The following TMEM150C variants were observed in gnomAD, a reference collection of about 807,000 sequenced individuals.
The protein encoded by TMEM150C is transmembrane protein 150C.
Under a neutral mutation model 29.9 loss-of-function variants are expected in TMEM150C, and 10 were observed. That is an observed-to-expected ratio of 0.33 (90% CI 0.21 to 0.57). The LOEUF (loss-of-function observed/expected upper bound fraction) is 0.57. TMEM150C is among the 20% of genes least tolerant of loss of function. TMEM150C has a pLI of 0.88. For missense variants in TMEM150C, 251 were observed against 303.6 expected, an observed-to-expected ratio of 0.83 and a Z score of 1.29; for synonymous variants, 101 against 112.5, an observed-to-expected ratio of 0.90 and a Z score of 0.64.
chr4:82,560,973 C>G (rs2110097386), intron 1 of TMEM150C, among the ~76,000 whole-genome samples: 1 of 152,318 alleles, frequency 6.6e-6, no homozygotes. Flanking sequence ...GAGCTATGTT[C>G]CCACATGCGG....
chr4:82,492,943 G>A (rs993996788), intron 6 of TMEM150C, among the ~76,000 whole-genome samples: 6 of 141,842 alleles, frequency 4.2e-5, no homozygotes, highest in African/African-American at 1.0e-4. Context: ...GCTAGAGTAC[G>A]GTGGTATGAT....
chr4:82,541,478 TATA>T (rs1402518726), intron 1 of TMEM150C, among the ~76,000 whole-genome samples: 1 of 152,190 alleles, frequency 6.6e-6, no homozygotes, highest in Non-Finnish European at 1.5e-5. Flanking sequence ...GGATGTTGAT[TATA>T]ATGATGGATG....
In TMEM150C at chr4:82,559,831, A is replaced by G. The variant is rs560899117; in HGVS notation, c.-11+2075T>C. 7.0e-4 allele frequency among the ~76,000 whole-genome samples: 107 copies of G among 152,288 alleles called. 1 individual carries two copies. Among genetic ancestry groups the G allele is most frequent in the African/African-American group, 2.5e-3 (105 of 41,556 alleles). On this transcript the variant is annotated intron_variant, in intron 1 of 7. Coordinates refer to ENST00000449862, the MANE Select transcript of TMEM150C (RefSeq NM_001080506.3). Reference sequence around the variant, plus strand: ...TTAATTGGTTACTGAACTGATCCCAAATGGCCAGATTGCAGTGAAACCAAA... The same window carrying G: ...TTAATTGGTTACTGAACTGATCCCAGATGGCCAGATTGCAGTGAAACCAAA...
chr4:82,500,974 C>G (rs1436795374), intron 5 of TMEM150C, among the ~76,000 whole-genome samples: 1 of 152,166 alleles, frequency 6.6e-6, no homozygotes, highest in African/African-American at 2.4e-5. Context: ...GTTGTTGCCC[C>G]CTGTGGGAAG....
chr4:82,547,772 A>C (rs2110090930), intron 1 of TMEM150C, among the ~76,000 whole-genome samples: 1 of 152,338 alleles, frequency 6.6e-6, no homozygotes, highest in South Asian at 2.1e-4. Context: ...AAATTAGTCC[A>C]GTCACAGTGG....
intron 1 of TMEM150C, among the ~76,000 whole-genome samples, chr4:82,547,671 C>A (rs1025455976): frequency 3.9e-5 from 6 of 152,096 alleles, no homozygotes; most frequent in Non-Finnish European, 8.8e-5. Context: ...TCCCACCAGT[C>A]AGAATGGCTA....
At chr4:82,540,918 T>A (rs367981310) in intron 1 of TMEM150C, among the ~76,000 whole-genome samples, 16 of 152,328 alleles carry the variant, frequency 1.1e-4, no homozygotes, top group African/African-American at 3.8e-4. Context: ...GTACAATAGA[T>A]CTTGTGAACT....
chr4:82,550,815 G>GAA (rs985071631), intron 1 of TMEM150C, among the ~76,000 whole-genome samples: 7 of 152,024 alleles, frequency 4.6e-5, no homozygotes, highest in African/African-American at 1.7e-4. Context: ...AAGAAAGAAA[G>GAA]AAAGGAAGAG....
intron 5 of TMEM150C, among the ~76,000 whole-genome samples, chr4:82,500,410 A>C (rs1723700591): frequency 6.6e-6 from 1 of 152,160 alleles, no homozygotes. Context: ...ATTCTTTTTC[A>C]CTCTCAGAGT....
chr4:82,552,556 T>A (rs1402595904), intron 1 of TMEM150C, among the ~76,000 whole-genome samples: 1 of 152,164 alleles, frequency 6.6e-6, no homozygotes, highest in African/African-American at 2.4e-5. Flanking sequence ...GATGACCTGG[T>A]GGAATTCTGA....
chr4:82,495,697 CCACCAA>C (rs1723533432), intron 6 of TMEM150C: 1 of 290,922 alleles, frequency 3.4e-6, no homozygotes, highest in Non-Finnish European at 6.8e-6. Flanking sequence ...CTTGTTGTTC[CCACCAA>C]CAAACAAGAA....
rs146568741 is a variant in TMEM150C, at chr4:82,485,105, C to T, written c.*406G>A. On this transcript the variant is annotated 3_prime_UTR_variant, in exon 8 of 8. Coordinates refer to ENST00000449862, the MANE Select transcript of TMEM150C (RefSeq NM_001080506.3). The stretch of plus-strand genomic sequence containing the variant: ...TAGTGCCAGATTCAGAACTTCCTCA[C>T]GAGCTGGTTCCAAGCCCTTTGGACC... 2,428 of 180,932 alleles carry T rather than the reference C, an allele frequency of 0.013. 19 individuals are homozygous for T. Among genetic ancestry groups the T allele is most frequent in the Middle Eastern group, 0.042 (16 of 380 alleles). 11.2% of individuals were successfully genotyped at this position (180,932 alleles called of 1,614,324 possible).
chr4:82,489,367 T>C lies in TMEM150C; in HGVS notation c.541+694A>G, dbSNP rs1723260333. Among the ~76,000 whole-genome samples the C allele has an allele frequency of 2.6e-5, 4 of 152,154 alleles. 1 individual carries two copies. The South Asian group carries it at 8.3e-4, about 32-fold the overall frequency. On this transcript the variant is annotated intron_variant, in intron 7 of 7. Coordinates refer to ENST00000449862, the MANE Select transcript of TMEM150C (RefSeq NM_001080506.3). ...TCTGCCTTTCCCTGGTTTCTCTGCT[T>C]GTTACTGGGTGGTTAAGTTGAATTC...
intron 1 of TMEM150C, among the ~76,000 whole-genome samples, chr4:82,508,614 TGCCACCAC>T (rs1724015728): frequency 6.6e-6 from 1 of 151,984 alleles, no homozygotes. Context: ...TACAGGCACC[TGCCACCAC>T]ACCCGGCTAA....
intron 6 of TMEM150C, 109 bp downstream of exon 6, chr4:82,495,959 T>C: frequency 1.4e-6 from 2 of 1,408,684 alleles, no homozygotes; most frequent in Non-Finnish European, 1.9e-6. Context: ...AAAAGGTTTG[T>C]GCAGAATTAT....
intron 1 of TMEM150C, among the ~76,000 whole-genome samples, chr4:82,551,367 G>A (rs1364009553): frequency 6.6e-6 from 1 of 152,098 alleles, no homozygotes; most frequent in Non-Finnish European, 1.5e-5. Flanking sequence ...ATTTTGTTCA[G>A]TGCTCTATCA....
At chr4:82,550,199 GTT>G (rs1560500350) in intron 1 of TMEM150C, among the ~76,000 whole-genome samples, 2 of 152,084 alleles carry the variant, frequency 1.3e-5, no homozygotes, top group African/African-American at 4.8e-5. Flanking sequence ...AGATCTGATG[GTT>G]TTATAAGTGT....
At chr4:82,499,281 TA>T (rs1723652740) in intron 5 of TMEM150C, among the ~76,000 whole-genome samples, 1 of 152,222 alleles carries the variant, frequency 6.6e-6, no homozygotes, top group African/African-American at 2.4e-5. Flanking sequence ...TCAATAGATA[TA>T]TTTTTTTGTT....
chr4:82,519,121 C>T (rs932653362), intron 1 of TMEM150C, among the ~76,000 whole-genome samples: 2 of 152,188 alleles, frequency 1.3e-5, no homozygotes, highest in Non-Finnish European at 2.9e-5. Context: ...GGCAACCTGA[C>T]AGTAAAGAAC....
Sources: allele counts gnomAD v4.1 joint callset (sites outside exome capture counted in the v4.1 genomes callset), GRCh38; gene constraint gnomAD v4.1.1; transcripts MANE v1.5; gene names NCBI Gene and HGNC (gene_info 2026-07-23, HGNC 2026-07-21).